The following FGFR3 variants were observed in gnomAD, a reference collection of about 807,000 sequenced individuals.
FGFR3 encodes the protein FGFR-3.
In FGFR3, 25 loss-of-function variants were observed where a neutral mutation model predicts 82.9. The ratio of observed to expected loss-of-function variants is 0.30; its 90% CI spans 0.22 to 0.42. FGFR3 has a LOEUF of 0.42. FGFR3 is among the 10% of genes least tolerant of loss of function. FGFR3 has a pLI of 1.00. For missense variants in FGFR3, 1,026 were observed against 1,161.0 expected (o/e 0.88, Z 1.69); for synonymous variants, 620 against 516.0 (o/e 1.20, Z -2.73).
chr4:1,795,359 G>A (rs923529223), intron 2 of FGFR3, among the ~76,000 whole-genome samples: 1 of 152,026 alleles, frequency 6.6e-6, no homozygotes, highest in Non-Finnish European at 1.5e-5. Flanking sequence ...CCAGGCTGCG[G>A]AGCCTCTCCT....
Position 1,808,562 on chromosome 4 carries a change from G to C in FGFR3, c.*1300G>C, listed in dbSNP as rs1265721287. ...TATATATCTATATATATAATTTATT[G>C]AGTTTTTACAAGATGTATTTGTTGT... On this transcript the variant is annotated 3_prime_UTR_variant, in exon 18 of 18. Transcript: ENST00000440486. The C allele has an allele frequency of 8.7e-6, 2 of 230,376 alleles. No homozygotes were observed. Among genetic ancestry groups the C allele is most frequent in the Non-Finnish European group, 1.7e-5 (2 of 116,106 alleles). The allele number at this position is 230,376 out of a possible 1,614,324, so 14.3% of individuals were successfully genotyped here.
Position 1,804,450 on chromosome 4 carries a change from G to C in FGFR3, c.1196G>C (p.Arg399Pro), listed in dbSNP as rs761896295. 1 of 1,612,572 alleles carries C rather than the reference G, an allele frequency of 6.2e-7. No homozygotes were observed. The highest frequency in any genetic ancestry group is 8.5e-7 in the Non-Finnish European group (1 of 1,179,712). Residue 399 changes from arginine to proline, a missense_variant, in exon 9 of 18, where the codon CGC (arginine) becomes CCC (proline). Arg to Pro is a moderately radical substitution (Grantham distance 103). This residue lies in a region of FGFR3 where 256 missense variants were observed against 217.6 expected (regional missense o/e 1.18). Coordinates refer to ENST00000440486, the MANE Select transcript of FGFR3 (RefSeq NM_000142.5). ...GCGGCTGTGACGCTCTGCCGCCTGCGCAGCCCCCCCAAGAAAGGCCTGGGC... is the reference window on the plus strand; with the variant it reads ...GCGGCTGTGACGCTCTGCCGCCTGCCCAGCCCCCCCAAGAAAGGCCTGGGC... ...VVAAVTLCRLRSPPKKGLGSP... is the reference protein window; with the variant it reads ...VVAAVTLCRLPSPPKKGLGSP...
At chr4:1,802,792 G>A in intron 7 of FGFR3, 5 of 1,301,188 alleles carry the variant, frequency 3.8e-6, no homozygotes, top group South Asian at 3.2e-5. Context: ...CCTCCTCCAG[G>A]CAGCCTTTGG....
intron 7 of FGFR3, among the ~76,000 whole-genome samples, chr4:1,803,375 G>A (rs899009031): frequency 1.1e-4 from 17 of 152,044 alleles, no homozygotes; most frequent in Middle Eastern, 3.2e-3. Context: ...CTGCCTGCTC[G>A]CTTCCGCAGC....
At chr4:1,799,120 C>T (rs1720878014) in intron 2 of FGFR3, 134 bp from the exon 3 acceptor site, 3 of 1,251,438 alleles carry the variant, frequency 2.4e-6, no homozygotes, top group East Asian at 2.3e-5. Flanking sequence ...CAGTTTCCAG[C>T]CCCTGGTCTG....
In FGFR3 at chr4:1,799,367, G is replaced by T. The variant is rs1468925142; in HGVS notation, c.223G>T (p.Val75Phe). 1.2e-6 allele frequency: 2 copies of T among 1,612,608 alleles called. No individual in the cohort carries two copies. The highest frequency in any genetic ancestry group is 2.2e-5 in the East Asian group (1 of 44,878). ...TGGTCCCATGGGGCCCACTGTCTGG[G>T]TCAAGGATGGCACAGGGCTGGTGCC... ...GGGPMGPTVWVKDGTGLVPSE... is the reference protein window; with the variant it reads ...GGGPMGPTVWFKDGTGLVPSE... The change falls in exon 3 of 18, where the codon GTC (valine) becomes TTC (phenylalanine). Residue 75 changes from valine (V) to phenylalanine (F), a missense_variant. Physicochemically the swap from Val to Phe is conservative, Grantham distance 50 (BLOSUM62 -1). This residue lies in a region of FGFR3 where 226 missense variants were observed against 222.0 expected (regional missense o/e 1.02). Transcript: ENST00000440486.
At chr4:1,804,639 C>G in intron 9 of FGFR3, 119 bp downstream of exon 9, 1 of 1,452,220 alleles carries the variant, frequency 6.9e-7, no homozygotes, top group African/African-American at 1.4e-5. Flanking sequence ...GCGGGCTCCC[C>G]TCTCCTCGTC....
intron 2 of FGFR3, among the ~76,000 whole-genome samples, chr4:1,797,818 T>A (rs1035078796): frequency 2.0e-5 from 3 of 152,154 alleles, no homozygotes; most frequent in Non-Finnish European, 2.9e-5. Flanking sequence ...CCCTTCTGGC[T>A]GGCAGGGTCA....
At chr4:1,804,307 C>A (rs2108796188) in intron 8 of FGFR3, 23 bp from the exon 9 acceptor site, 1 of 1,579,714 alleles carries the variant, frequency 6.3e-7, no homozygotes, top group Non-Finnish European at 8.6e-7. Flanking sequence ...CCAGGCCAGG[C>A]CTCAACGCCC....
chr4:1,805,094 G>C (rs1276986871), intron 10 of FGFR3, 125 bp downstream of exon 10: 20 of 1,391,138 alleles, frequency 1.4e-5, no homozygotes, highest in Non-Finnish European at 1.7e-5. Context: ...GGGTGTGGCT[G>C]GGGTTCTGTG....
intron 16 of FGFR3, 69 bp downstream of exon 16, chr4:1,806,752 G>A (rs1721974182): frequency 1.3e-6 from 2 of 1,595,880 alleles, no homozygotes; most frequent in South Asian, 1.1e-5. Context: ...GGGCGGGGGA[G>A]GGACTGGCAG....
At chr4:1,798,024 C>G (rs1720719598) in intron 2 of FGFR3, among the ~76,000 whole-genome samples, 2 of 152,168 alleles carry the variant, frequency 1.3e-5, no homozygotes, top group African/African-American at 4.8e-5. Flanking sequence ...GACCACCCAC[C>G]CCCGTCCCGG....
In FGFR3 at chr4:1,801,435, G is replaced by A. The variant is rs529408918; in HGVS notation, c.514G>A (p.Val172Ile). Residue 172 changes from valine to isoleucine, a missense_variant, in exon 5 of 18, where the codon GTC becomes ATC. This residue lies in a region of FGFR3 where 147 missense variants were observed against 228.1 expected (regional missense o/e 0.64). Coordinates refer to ENST00000440486, the MANE Select transcript of FGFR3 (RefSeq NM_000142.5). The part of the protein sequence containing the change: ...KLLAVPAANT[V>I]RFRCPAAGNP... Reference sequence around the variant, plus strand: ...GCTGGCCGTGCCGGCCGCCAACACCGTCCGCTTCCGCTGCCCAGCCGCTGG... The same window carrying A: ...GCTGGCCGTGCCGGCCGCCAACACCATCCGCTTCCGCTGCCCAGCCGCTGG... 56 of 1,552,604 alleles carry A rather than the reference G, an allele frequency of 3.6e-5. No homozygotes were observed. Among genetic ancestry groups the A allele is most frequent in the Middle Eastern group, 3.3e-4 (2 of 5,994 alleles).
chr4:1,797,717 CT>C (rs1461207574), intron 2 of FGFR3, among the ~76,000 whole-genome samples: 2 of 152,192 alleles, frequency 1.3e-5, no homozygotes, highest in African/African-American at 2.4e-5. Context: ...AGGAGCCCCC[CT>C]GACTGCGGGG....
At chr4:1,798,945 G>A (rs1024220943) in intron 2 of FGFR3, among the ~76,000 whole-genome samples, 1 of 152,260 alleles carries the variant, frequency 6.6e-6, no homozygotes, top group Admixed American at 6.5e-5. Context: ...GACACTTTGA[G>A]ATTTGAATTC....
chr4:1,794,822 G>A (rs1429058885), intron 2 of FGFR3, among the ~76,000 whole-genome samples: 1 of 151,712 alleles, frequency 6.6e-6, no homozygotes, highest in Non-Finnish European at 1.5e-5. Flanking sequence ...AGCCGGCTCC[G>A]GACGGGCGAG....
intron 2 of FGFR3, among the ~76,000 whole-genome samples, chr4:1,797,123 T>G (rs1423603934): frequency 6.6e-6 from 1 of 152,156 alleles, no homozygotes; most frequent in Non-Finnish European, 1.5e-5. Flanking sequence ...GGCACCAGTG[T>G]CTGTGTGGTG....
At chr4:1,798,836 C>G (rs1172728355) in intron 2 of FGFR3, among the ~76,000 whole-genome samples, 1 of 152,138 alleles carries the variant, frequency 6.6e-6, no homozygotes, top group Admixed American at 6.5e-5. Context: ...CCCCTTTGCC[C>G]GCAGCACCTG....
At chr4:1,798,325 C>T (rs1413978775) in intron 2 of FGFR3, among the ~76,000 whole-genome samples, 2 of 152,012 alleles carry the variant, frequency 1.3e-5, no homozygotes, top group Middle Eastern at 3.2e-3. Context: ...GAGGGGGCCC[C>T]AGTCCCCCTG....
Sources: allele counts gnomAD v4.1 joint callset (sites outside exome capture counted in the v4.1 genomes callset), GRCh38; gene constraint gnomAD v4.1.1; regional missense constraint gnomAD v4.1.1; transcripts MANE v1.5; gene names NCBI Gene and HGNC (gene_info 2026-07-23, HGNC 2026-07-21).